KRT72: variants seen among roughly 807,000 people sequenced by gnomAD.
The protein encoded by KRT72 is keratin 72.
Under a neutral mutation model 44.7 loss-of-function variants are expected in KRT72, and 44 were observed. The ratio of observed to expected loss-of-function variants is 0.98; its 90% CI spans 0.77 to 1.27. The LOEUF (loss-of-function observed/expected upper bound fraction) is 1.27, where lower values mean the gene tolerates loss of function less well. Among genes scored for constraint, KRT72 ranks in the 50% most tolerant of loss-of-function variants. The pLI, the probability that KRT72 is intolerant of heterozygous loss-of-function variation, is 0.00. For synonymous variants in KRT72, 302 were observed against 280.4 expected (o/e 1.08, Z -0.77); for missense variants, 736 against 667.1 (o/e 1.10, Z -1.14).
chr12:52,588,169 C>T (rs543585153), intron 6 of KRT72, among the ~76,000 whole-genome samples: 32 of 152,338 alleles, frequency 2.1e-4, no homozygotes, highest in African/African-American at 7.2e-4. Context: ...CTGTAAGATT[C>T]TTATGTCAAC....
intron 4 of KRT72, among the ~76,000 whole-genome samples, chr12:52,592,188 G>A (rs1038696824): frequency 3.3e-5 from 5 of 152,160 alleles, no homozygotes; most frequent in African/African-American, 1.2e-4. Context: ...GTGAACTCCT[G>A]GAGGGCAAGA....
At chr12:52,590,404 C>T (rs980827571) in intron 6 of KRT72, among the ~76,000 whole-genome samples, 2 of 152,148 alleles carry the variant, frequency 1.3e-5, no homozygotes, top group African/African-American at 2.4e-5. Context: ...TTACCTCCTG[C>T]GTTAGGTCTA....
chr12:52,587,745 G>C lies in KRT72; in HGVS notation c.1196C>G (p.Ala399Gly). The C allele has an allele frequency of 1.2e-6, 2 of 1,614,158 alleles. No individual in the cohort carries two copies. Among genetic ancestry groups the C allele is most frequent in the Non-Finnish European group, 1.7e-6 (2 of 1,180,030 alleles). Reference sequence around the variant, plus strand: ...CAGCATCCGTGCCAGCTCCTCCTTGGCCTGGTGCAGGGCGCCCTCCAGCTC... The same window carrying C: ...CAGCATCCGTGCCAGCTCCTCCTTGCCCTGGTGCAGGGCGCCCTCCAGCTC... ...LDELEGALHQ[A>G]KEELARMLRE... Residue 399 changes from alanine (A) to glycine (G), a missense_variant, in exon 7 of 9, where the codon GCC becomes GGC. Transcript: ENST00000293745.
Position 52,592,910 on chromosome 12 carries a change from C to T in KRT72, c.684G>A (p.Glu228=). Residue 228 remains glutamate (E), a synonymous_variant, in exon 3 of 9, where the codon GAG becomes GAA. Transcript: ENST00000293745. ...CTCTTACCTTCTTGAGCACCACAAACTCATTCTCAGCAGCTGTGCGTCTGT... is the reference window on the plus strand; with the variant it reads ...CTCTTACCTTCTTGAGCACCACAAATTCATTCTCAGCAGCTGTGCGTCTGT... The part of the protein sequence containing the change: ...EINRRTAAEN[E]FVVLKKDVDA... 1 of 1,613,980 alleles carries T rather than the reference C, an allele frequency of 6.2e-7. No homozygotes were observed. The highest frequency in any genetic ancestry group is 8.5e-7 in the Non-Finnish European group (1 of 1,179,938).
At chr12:52,587,532 C>CTTCA in intron 7 of KRT72, 99 bp downstream of exon 7, 2 of 1,288,758 alleles carry the variant, frequency 1.6e-6, no homozygotes, top group Non-Finnish European at 2.2e-6. Flanking sequence ...TATGGTTTTA[C>CTTCA]TTCAGTAGGA....
chr12:52,592,310 C>T lies in KRT72; in HGVS notation c.798+86G>A, dbSNP rs1940063622. 3 of 920,208 alleles carry T rather than the reference C, an allele frequency of 3.3e-6. No homozygotes were observed. In the African/African-American group the frequency reaches 4.9e-5, roughly 15 times the overall value. 57.0% of individuals were successfully genotyped at this position (920,208 alleles called of 1,614,324 possible). A position where few individuals can be genotyped will look rare whatever the true frequency, so the allele number is the denominator to read the frequency against. On this transcript the variant is annotated intron_variant, in intron 4 of 8. Transcript: ENST00000293745. ...GTTGAAAGCTTTCTCCCTCCCAATTCTTGGTCCACACCACCTTCCAGCCAG... is the reference window on the plus strand; with the variant it reads ...GTTGAAAGCTTTCTCCCTCCCAATTTTTGGTCCACACCACCTTCCAGCCAG...
chr12:52,602,939 T>C (rs1028275448), upstream of KRT72, among the ~76,000 whole-genome samples: 22 of 152,072 alleles, frequency 1.4e-4, no homozygotes, highest in African/African-American at 5.3e-4. Context: ...ATGGCACCGA[T>C]CACAGATGAA....
At chr12:52,592,512 A>G in intron 3 of KRT72, 21 bp from the exon 4 acceptor site, 1 of 1,596,162 alleles carries the variant, frequency 6.3e-7, no homozygotes, top group Non-Finnish European at 8.6e-7. Flanking sequence ...ATGATAGTCA[A>G]GCCGCCCTGA....
In KRT72 at chr12:52,585,972, C is replaced by G; in HGVS notation, c.*10G>C. 1 of 1,609,308 alleles carries G rather than the reference C, an allele frequency of 6.2e-7. No homozygotes were observed. The highest frequency in any genetic ancestry group is 8.5e-7 in the Non-Finnish European group (1 of 1,176,924). ...GAAGCCTTCTGCTCACAGAGCCAAC[C>G]ACTTGTCCATCATCTGGAGGCCTTT... On this transcript the variant is annotated 3_prime_UTR_variant, in exon 9 of 9. Transcript: ENST00000293745.
At chr12:52,591,747 G>T in intron 4 of KRT72, 119 bp from the exon 5 acceptor site, 1 of 995,408 alleles carries the variant, frequency 1.0e-6, no homozygotes, top group Non-Finnish European at 1.5e-6. Flanking sequence ...TTTGAACTCT[G>T]CCTCAGCACC....
At position 52,601,094 on chromosome 12, in the gene KRT72, CT is replaced by C; in HGVS notation, c.358del (p.Arg120GlyfsTer13). 6.2e-7 allele frequency: 1 copy of C among 1,612,650 alleles called. No homozygotes were observed. Among genetic ancestry groups the C allele is most frequent in the Non-Finnish European group, 8.5e-7 (1 of 1,179,554 alleles). On this transcript the variant is annotated frameshift_variant, in exon 1 of 9. Coordinates refer to ENST00000293745, the MANE Select transcript of KRT72 (RefSeq NM_080747.3). LOFTEE classifies it high-confidence loss of function. ...CTGCTCCCGCTCCTGGGCGCGCACCCTCTGGATCTCGGGGTCCATCTCCACG... is the reference window on the plus strand; with the variant it reads ...CTGCTCCCGCTCCTGGGCGCGCACCCCTGGATCTCGGGGTCCATCTCCACG... ...LNVEMDPEIQ[R>X]VRAQEREQIK...
chr12:52,592,279 C>T, intron 4 of KRT72, 117 bp downstream of exon 4: 1 of 722,370 alleles, frequency 1.4e-6, no homozygotes, highest in Non-Finnish European at 2.4e-6. Flanking sequence ...ATGTCAGGGG[C>T]ACCAGGTTGA....
In KRT72 at chr12:52,587,856, G is replaced by A. The variant is rs1939842800; in HGVS notation, c.1090-5C>T. ...GGCCGTCTCCAGATCGGCACACTGA[G>A]GGGCAAACAGATCCAGCACTTAAGA... On this transcript the variant is annotated splice_polypyrimidine_tract_variant and splice_region_variant and intron_variant, in intron 6 of 8. Coordinates refer to ENST00000293745, the MANE Select transcript of KRT72 (RefSeq NM_080747.3). 6.2e-7 allele frequency: 1 copy of A among 1,613,080 alleles called. No individual in the cohort carries two copies. Among genetic ancestry groups the A allele is most frequent in the African/African-American group, 1.3e-5 (1 of 75,050 alleles).
chr12:52,592,993 C>CAA, intron 2 of KRT72, 41 bp from the exon 3 acceptor site: 1 of 1,585,878 alleles, frequency 6.3e-7, no homozygotes, highest in Non-Finnish European at 8.6e-7. Flanking sequence ...GTTCTGCAAA[C>CAA]ACTCACTGAA....
At chr12:52,594,447 A>G (rs1940168214) in intron 2 of KRT72, among the ~76,000 whole-genome samples, 1 of 152,238 alleles carries the variant, frequency 6.6e-6, no homozygotes, top group East Asian at 1.9e-4. Flanking sequence ...GGATGAGTTC[A>G]TATCCTTTGT....
chr12:52,587,245 T>C (rs1191391759), intron 7 of KRT72, among the ~76,000 whole-genome samples: 1 of 152,118 alleles, frequency 6.6e-6, no homozygotes, highest in Non-Finnish European at 1.5e-5. Flanking sequence ...TTCCCTCTAG[T>C]CATGCCACTG....
At chr12:52,591,093 G>A in intron 5 of KRT72, 132 bp from the exon 6 acceptor site, 1 of 892,942 alleles carries the variant, frequency 1.1e-6, no homozygotes, top group Non-Finnish European at 1.6e-6. Flanking sequence ...GAGAGCCTTG[G>A]CAGAGTGTGA....
Position 52,601,102 on chromosome 12 carries a change from C to A in KRT72, c.351G>T (p.Glu117Asp), listed in dbSNP as rs767589198. ...LAPLNVEMDP[E>D]IQRVRAQERE... Reference sequence around the variant, plus strand: ...GCTCCTGGGCGCGCACCCTCTGGATCTCGGGGTCCATCTCCACGTTGAGCG... The same window carrying A: ...GCTCCTGGGCGCGCACCCTCTGGATATCGGGGTCCATCTCCACGTTGAGCG... Residue 117 changes from glutamate (E) to aspartate (D), a missense_variant, in exon 1 of 9, where the codon GAG (glutamate) becomes GAT (aspartate). By Grantham distance (45) the Glu-to-Asp change is conservative. Transcript: ENST00000293745. The A allele has an allele frequency of 3.7e-6, 6 of 1,612,694 alleles. No individual in the cohort carries two copies. The highest frequency in any genetic ancestry group is 4.2e-6 in the Non-Finnish European group (5 of 1,179,618).
chr12:52,600,135 A>C (rs1158888382), intron 1 of KRT72, among the ~76,000 whole-genome samples: 1 of 151,782 alleles, frequency 6.6e-6, no homozygotes, highest in Non-Finnish European at 1.5e-5. Flanking sequence ...CTCAGCACAC[A>C]CCTGTAACTT....
Sources: allele counts gnomAD v4.1 joint callset (sites outside exome capture counted in the v4.1 genomes callset), GRCh38; gene constraint gnomAD v4.1.1; transcripts MANE v1.5; gene names NCBI Gene and HGNC (gene_info 2026-07-23, HGNC 2026-07-21).